The following ESRRB variants were observed in gnomAD, a reference collection of about 807,000 sequenced individuals.
The protein encoded by ESRRB is steroid hormone receptor ERR2.
In ESRRB, 16 loss-of-function variants were observed where a neutral mutation model predicts 46.0. That is an observed-to-expected ratio of 0.35 (90% CI 0.24 to 0.53). The LOEUF (loss-of-function observed/expected upper bound fraction) is 0.53. Among genes scored for constraint, ESRRB ranks in the 20% least tolerant of loss-of-function variants. The pLI, the probability that ESRRB is intolerant of heterozygous loss-of-function variation, is 0.93. For missense variants in ESRRB, 488 were observed against 607.4 expected, an observed-to-expected ratio of 0.80 and a Z score of 2.07; for synonymous variants, 246 against 259.6, an observed-to-expected ratio of 0.95 and a Z score of 0.50.
chr14:76,410,593 G>A (rs1566882688), intron 1 of ESRRB, among the ~76,000 whole-genome samples: 3 of 152,160 alleles, frequency 2.0e-5, no homozygotes, highest in Admixed American at 2.0e-4. Context: ...GGTTGGTTAA[G>A]TGCCCACTGG....
chr14:76,324,112 C>T (rs1387797927), intron 1 of ESRRB, among the ~76,000 whole-genome samples: 1 of 152,124 alleles, frequency 6.6e-6, no homozygotes. Context: ...GGAGTGCTCT[C>T]TGGGGAATCC....
At chr14:76,321,187 T>C (rs1266416648) in intron 1 of ESRRB, among the ~76,000 whole-genome samples, 2 of 152,254 alleles carry the variant, frequency 1.3e-5, no homozygotes, top group African/African-American at 4.8e-5. Context: ...TTTTTGCCTT[T>C]GCCATTTTAT....
chr14:76,345,986 G>A (rs1263408762), intron 1 of ESRRB, among the ~76,000 whole-genome samples: 1 of 152,068 alleles, frequency 6.6e-6, no homozygotes, highest in Non-Finnish European at 1.5e-5. Context: ...CCAAAATCAA[G>A]GTGCTGGCAG....
At chr14:76,314,539 A>G (rs1377147289) in intron 1 of ESRRB, among the ~76,000 whole-genome samples, 1 of 152,124 alleles carries the variant, frequency 6.6e-6, no homozygotes, top group Non-Finnish European at 1.5e-5. Context: ...CCGAGGGCTC[A>G]GTCTTCCCCT....
intron 1 of ESRRB, among the ~76,000 whole-genome samples, chr14:76,425,530 C>T (rs1036147031): frequency 6.6e-6 from 1 of 151,952 alleles, no homozygotes; most frequent in East Asian, 1.9e-4. Flanking sequence ...CCTTCCTCCC[C>T]CTCCTCCTCC....
At chr14:76,401,773 A>G (rs536434395) in intron 1 of ESRRB, among the ~76,000 whole-genome samples, 16 of 152,218 alleles carry the variant, frequency 1.1e-4, no homozygotes, top group Non-Finnish European at 2.1e-4. Flanking sequence ...TGTTCACACA[A>G]TGATGACATC....
chr14:76,456,077 C>G (rs1472053340), intron 2 of ESRRB, among the ~76,000 whole-genome samples: 1 of 120,110 alleles, frequency 8.3e-6, no homozygotes, highest in Non-Finnish European at 1.9e-5. Flanking sequence ...CACACACACA[C>G]AAAAGAAAGA....
intron 2 of ESRRB, among the ~76,000 whole-genome samples, chr14:76,449,150 G>A (rs1419632596): frequency 2.6e-5 from 4 of 151,968 alleles, no homozygotes; most frequent in African/African-American, 9.7e-5. Context: ...TTTTTTATTT[G>A]TGTTGACTTA....
At chr14:76,427,816 C>T (rs1307913589) in intron 1 of ESRRB, among the ~76,000 whole-genome samples, 1 of 152,046 alleles carries the variant, frequency 6.6e-6, no homozygotes. Flanking sequence ...ATTCACATCC[C>T]CATTTTACAG....
intron 5 of ESRRB, among the ~76,000 whole-genome samples, chr14:76,485,051 A>G (rs1889952530): frequency 6.6e-6 from 1 of 152,136 alleles, no homozygotes; most frequent in Non-Finnish European, 1.5e-5. Context: ...GTAAAAAAAT[A>G]AAATAAAATA....
At chr14:76,388,323 C>T (rs1380418931) in intron 1 of ESRRB, among the ~76,000 whole-genome samples, 2 of 151,836 alleles carry the variant, frequency 1.3e-5, no homozygotes, top group Admixed American at 6.6e-5. Context: ...GGACTATAGG[C>T]GCCTGCCACC....
At chr14:76,493,285 G>A (rs1248144464) in intron 6 of ESRRB, among the ~76,000 whole-genome samples, 1 of 152,138 alleles carries the variant, frequency 6.6e-6, no homozygotes, top group Non-Finnish European at 1.5e-5. Context: ...CTTCCGAGTA[G>A]CTGGGACTAC....
chr14:76,341,998 T>G (rs1403294059), intron 1 of ESRRB, among the ~76,000 whole-genome samples: 1 of 151,878 alleles, frequency 6.6e-6, no homozygotes. Context: ...TGGCCTGGAG[T>G]TGGGCTGATG....
At chr14:76,347,625 C>A (rs1884267289) in intron 1 of ESRRB, among the ~76,000 whole-genome samples, 1 of 100,226 alleles carries the variant, frequency 1.0e-5, no homozygotes, top group Non-Finnish European at 2.1e-5. Context: ...CTTCATTTTG[C>A]ATATAAAGAA....
chr14:76,406,976 G>T (rs79557142), intron 1 of ESRRB, among the ~76,000 whole-genome samples: 1 of 152,156 alleles, frequency 6.6e-6, no homozygotes, highest in Admixed American at 6.6e-5. Context: ...GCACCTAAAG[G>T]CTCCACAATA....
In ESRRB at chr14:76,365,483, AC is replaced by A. The variant is rs1884509366; in HGVS notation, c.2+54568del. 2.9e-5 allele frequency among the ~76,000 whole-genome samples: 4 copies of A among 139,418 alleles called. No individual in the cohort carries two copies. The East Asian group carries it at 1.0e-3, about 35-fold the overall frequency. 91.5% of individuals were successfully genotyped at this position (139,418 alleles called of 152,430 possible). A position where few individuals can be genotyped will look rare whatever the true frequency, so the allele number is the denominator to read the frequency against. On this transcript the variant is annotated intron_variant, in intron 1 of 6. Transcript: ENST00000512784. The stretch of plus-strand genomic sequence containing the variant: ...GACAGAACAAGATCCTGTCTCCAAA[AC>A]AAACAAACAAACAAACAAACAAGCC...
intron 2 of ESRRB, among the ~76,000 whole-genome samples, chr14:76,450,945 A>C (rs1192853670): frequency 6.6e-6 from 1 of 152,176 alleles, no homozygotes; most frequent in East Asian, 1.9e-4. Context: ...GGCACTGGCA[A>C]ATGACAGAAC....
intron 1 of ESRRB, among the ~76,000 whole-genome samples, chr14:76,362,383 G>T (rs1419080827): frequency 2.6e-5 from 4 of 152,250 alleles, no homozygotes; most frequent in African/African-American, 9.6e-5. Context: ...CTAGCAACCG[G>T]CTTCATACCT....
intron 1 of ESRRB, among the ~76,000 whole-genome samples, chr14:76,351,934 A>C (rs1884317180): frequency 6.9e-6 from 1 of 145,000 alleles, no homozygotes; most frequent in African/African-American, 2.6e-5. Context: ...GCAGGGAACT[A>C]TGATGGCACT....
Sources: allele counts gnomAD v4.1 joint callset (sites outside exome capture counted in the v4.1 genomes callset), GRCh38; gene constraint gnomAD v4.1.1; transcripts MANE v1.5; gene names NCBI Gene and HGNC (gene_info 2026-07-23, HGNC 2026-07-21).